ANKIB1: variants seen among roughly 807,000 people sequenced by gnomAD.
The protein encoded by ANKIB1 is ankyrin repeat and IBR domain containing 1, also known as ankyrin repeat and IBR domain-containing protein 1.
In ANKIB1, 43 loss-of-function variants were observed where a neutral mutation model predicts 122.1. The observed-to-expected ratio is 0.35, with a 90% confidence interval of 0.28 to 0.45. The LOEUF is 0.45. Among genes scored for constraint, ANKIB1 ranks in the 20% least tolerant of loss-of-function variants. The pLI is 1.00. For missense variants in ANKIB1, 992 were observed against 1,329.5 expected (o/e 0.75, Z 3.95); for synonymous variants, 390 against 442.0 (o/e 0.88, Z 1.48).
intron 1 of ANKIB1, among the ~76,000 whole-genome samples, chr7:92,271,818 G>A (rs1300597083): frequency 1.3e-5 from 2 of 152,128 alleles, no homozygotes; most frequent in Non-Finnish European, 2.9e-5. Context: ...AAAGTTAAAG[G>A]ATCTAGCTAG....
At chr7:92,341,480 A>C (rs2131974018) in intron 5 of ANKIB1, among the ~76,000 whole-genome samples, 1 of 151,954 alleles carries the variant, frequency 6.6e-6, no homozygotes, top group Non-Finnish European at 1.5e-5. Flanking sequence ...TGCAGATTGC[A>C]ACCTCGTTGT....
chr7:92,298,010 T>C (rs1802390910), intron 2 of ANKIB1, among the ~76,000 whole-genome samples: 1 of 152,170 alleles, frequency 6.6e-6, no homozygotes, highest in South Asian at 2.1e-4. Context: ...AAGTCCTAAC[T>C]CTGTTTCTGC....
In ANKIB1 at chr7:92,346,940, C is replaced by A. The variant is rs191729335; in HGVS notation, c.1085+1874C>A. Among the ~76,000 whole-genome samples, 442 of 152,302 alleles carry A rather than the reference C, an allele frequency of 2.9e-3. 4 individuals carry two copies. The highest frequency in any genetic ancestry group is 0.01 in the African/African-American group (419 of 41,566). On this transcript the variant is annotated intron_variant, in intron 7 of 19. Transcript: ENST00000265742. ...AGTACCTTCTAGCCTACCTAGGATTCTCCTTTCCACCCCTTCCAATTTTGT... is the reference window on the plus strand; with the variant it reads ...AGTACCTTCTAGCCTACCTAGGATTATCCTTTCCACCCCTTCCAATTTTGT...
At chr7:92,255,491 A>G (rs56006273) in intron 1 of ANKIB1, among the ~76,000 whole-genome samples, 5,172 of 152,186 alleles carry the variant, frequency 0.034, 250 homozygotes, top group African/African-American at 0.11. Context: ...TGGTCTTCAG[A>G]TGGCATTCCA....
chr7:92,343,376 A>T, intron 6 of ANKIB1, 144 bp downstream of exon 6: 1 of 668,520 alleles, frequency 1.5e-6, no homozygotes, highest in Non-Finnish European at 2.5e-6. Context: ...GGTTATTTCC[A>T]TGCTTCAGTA....
chr7:92,344,565 C>T lies in ANKIB1; in HGVS notation c.997-413C>T, dbSNP rs376328928. On this transcript the variant is annotated intron_variant, in intron 6 of 19. Transcript: ENST00000265742. ...AAAGTGTGGATATCTTGAGTTGCTG[C>T]ATTAAAAATACAAAGTTACTCTGTT... is the stretch of plus-strand genomic sequence containing the variant. Among the ~76,000 whole-genome samples, 67 of 152,070 alleles carry T rather than the reference C, an allele frequency of 4.4e-4. 1 individual carries two copies. The South Asian group carries it at 0.014, about 31-fold the overall frequency.
At chr7:92,256,793 C>G (rs139053135) in intron 1 of ANKIB1, among the ~76,000 whole-genome samples, 98 of 152,308 alleles carry the variant, frequency 6.4e-4, no homozygotes, top group African/African-American at 2.4e-3. Context: ...TGATTTTCAA[C>G]TTGGAATACC....
intron 10 of ANKIB1, among the ~76,000 whole-genome samples, chr7:92,363,906 G>A (rs750242279): frequency 2.2e-4 from 33 of 152,164 alleles, no homozygotes; most frequent in African/African-American, 5.5e-4. Flanking sequence ...CACTTGTTGC[G>A]AAGGCTTCAT....
chr7:92,246,299 T>C lies in ANKIB1; in HGVS notation c.-311T>C. Reference sequence around the variant, plus strand: ...GAGCCTCGCCGCGGGCGCCTTCGGCTCACGCAGCGCTTCCCGCGGGCCGCC... The same window carrying C: ...GAGCCTCGCCGCGGGCGCCTTCGGCCCACGCAGCGCTTCCCGCGGGCCGCC... On this transcript the variant is annotated 5_prime_UTR_variant, in exon 1 of 20. Coordinates refer to ENST00000265742, the MANE Select transcript of ANKIB1 (RefSeq NM_019004.2). The C allele has an allele frequency of 2.5e-6, 1 of 407,824 alleles. No homozygotes were observed. Among genetic ancestry groups the C allele is most frequent in the Non-Finnish European group, 4.8e-6 (1 of 208,836 alleles). 25.3% of individuals were successfully genotyped at this position (407,824 alleles called of 1,614,324 possible). A position where few individuals can be genotyped will look rare whatever the true frequency, so the allele number is the denominator to read the frequency against.
intron 1 of ANKIB1, among the ~76,000 whole-genome samples, chr7:92,263,570 G>T (rs1039774148): frequency 1.3e-5 from 2 of 152,140 alleles, no homozygotes; most frequent in Non-Finnish European, 2.9e-5. Flanking sequence ...TATCTCTGGG[G>T]TAGCTAAGGT....
At chr7:92,273,759 C>G (rs1232494380) in intron 1 of ANKIB1, among the ~76,000 whole-genome samples, 1 of 151,500 alleles carries the variant, frequency 6.6e-6, no homozygotes, top group African/African-American at 2.4e-5. Flanking sequence ...GTTAATGTTT[C>G]AGACAGCTAT....
chr7:92,307,851 G>C (rs1383067253), intron 3 of ANKIB1, among the ~76,000 whole-genome samples, 195 bp downstream of exon 3: 1 of 100,326 alleles, frequency 1.0e-5, no homozygotes, highest in Non-Finnish European at 1.8e-5. Context: ...GTCTTGCTCT[G>C]TTGCCAGGCT....
At chr7:92,341,542 T>C (rs1184129507) in intron 5 of ANKIB1, among the ~76,000 whole-genome samples, 1 of 151,308 alleles carries the variant, frequency 6.6e-6, no homozygotes, top group Non-Finnish European at 1.5e-5. Context: ...GAATAAATCA[T>C]GATACACAAA....
chr7:92,371,975 G>A (rs1395131937), intron 11 of ANKIB1, among the ~76,000 whole-genome samples: 1 of 147,674 alleles, frequency 6.8e-6, no homozygotes, highest in East Asian at 2.0e-4. Flanking sequence ...GTGTGTGTGT[G>A]TGTGTGTGTG....
At chr7:92,314,317 G>T (rs1294569998) in intron 3 of ANKIB1, among the ~76,000 whole-genome samples, 4 of 151,654 alleles carry the variant, frequency 2.6e-5, no homozygotes, top group African/African-American at 4.8e-5. Flanking sequence ...AAAAGAAAAA[G>T]AATTTTTAAT....
At chr7:92,319,182 C>G (rs895353944) in intron 3 of ANKIB1, 148 bp from the exon 4 acceptor site, 31 of 371,168 alleles carry the variant, frequency 8.4e-5, no homozygotes, top group Middle Eastern at 7.2e-4. Flanking sequence ...ATCTAAATAC[C>G]TTTTTTTTTT....
chr7:92,371,404 G>T, intron 10 of ANKIB1, 73 bp from the exon 11 acceptor site: 1 of 1,330,252 alleles, frequency 7.5e-7, no homozygotes. Context: ...AGAAAAGTGT[G>T]GAGGGTTTTT....
intron 1 of ANKIB1, among the ~76,000 whole-genome samples, chr7:92,279,465 A>G (rs185831159): frequency 1.3e-5 from 2 of 152,342 alleles, no homozygotes; most frequent in Non-Finnish European, 2.9e-5. Flanking sequence ...TCAGAGAATA[A>G]GTCCTTTCCT....
chr7:92,287,287 G>A (rs1309047159), intron 1 of ANKIB1, among the ~76,000 whole-genome samples: 2 of 152,100 alleles, frequency 1.3e-5, no homozygotes, highest in South Asian at 2.1e-4. Context: ...GCCCTATATG[G>A]CATTTAGTTT....
Sources: allele counts gnomAD v4.1 joint callset (sites outside exome capture counted in the v4.1 genomes callset), GRCh38; gene constraint gnomAD v4.1.1; transcripts MANE v1.5; gene names NCBI Gene and HGNC (gene_info 2026-07-23, HGNC 2026-07-21).